Variants in ERBB4 observed in about 807,000 individuals in gnomAD.
ERBB4 encodes erb-b2 receptor tyrosine kinase 4, also known as receptor tyrosine-protein kinase erbB-4.
Under a neutral mutation model 158.0 loss-of-function variants are expected in ERBB4, and 42 were observed. The ratio of observed to expected loss-of-function variants is 0.27; its 90% CI spans 0.21 to 0.34. ERBB4 has a LOEUF of 0.34. Ranked by LOEUF, ERBB4 falls within the 10% of genes least tolerant of loss-of-function variation. ERBB4 has a pLI of 1.00. For missense variants in ERBB4, 1,333 were observed against 1,624.1 expected (o/e 0.82, Z 3.08); for synonymous variants, 583 against 558.7 (o/e 1.04, Z -0.61).
chr2:211,748,597 G>A (rs1166685722), intron 5 of ERBB4, among the ~76,000 whole-genome samples: 1 of 152,190 alleles, frequency 6.6e-6, no homozygotes, highest in Admixed American at 6.5e-5. Flanking sequence ...AGTACTGGCT[G>A]AACCCCATGG....
chr2:212,082,178 T>C (rs758843794), intron 2 of ERBB4, among the ~76,000 whole-genome samples: 20 of 152,126 alleles, frequency 1.3e-4, no homozygotes, highest in Non-Finnish European at 2.4e-4. Flanking sequence ...TACATTTATG[T>C]AGAAAAACAG....
chr2:211,420,717 T>G (rs568189569), intron 24 of ERBB4, 106 bp from the exon 25 acceptor site: 1 of 995,308 alleles, frequency 1.0e-6, no homozygotes, highest in Admixed American at 1.9e-5. Flanking sequence ...GTTGAAAAAT[T>G]CATACACACA....
chr2:211,585,119 G>T (rs976668775), intron 19 of ERBB4, among the ~76,000 whole-genome samples: 1 of 152,054 alleles, frequency 6.6e-6, no homozygotes, highest in East Asian at 1.9e-4. Flanking sequence ...TTAGGAGGCC[G>T]AGGCGGGCGG....
chr2:212,470,985 G>C (rs1233480764), intron 1 of ERBB4, among the ~76,000 whole-genome samples: 2 of 151,948 alleles, frequency 1.3e-5, no homozygotes, highest in African/African-American at 4.8e-5. Context: ...GCTTTATAAA[G>C]TATGGAAAGA....
chr2:212,065,849 T>C (rs2077928783), intron 2 of ERBB4, among the ~76,000 whole-genome samples: 1 of 152,024 alleles, frequency 6.6e-6, no homozygotes, highest in Non-Finnish European at 1.5e-5. Flanking sequence ...AATTTAATGC[T>C]TAGTTGAAAT....
At chr2:212,046,255 G>T (rs921981472) in intron 2 of ERBB4, among the ~76,000 whole-genome samples, 1 of 152,138 alleles carries the variant, frequency 6.6e-6, no homozygotes, top group Non-Finnish European at 1.5e-5. Context: ...TTGGTGCTAC[G>T]AGACACCTAA....
At chr2:211,530,718 T>G (rs1453575525) in intron 20 of ERBB4, among the ~76,000 whole-genome samples, 1 of 151,916 alleles carries the variant, frequency 6.6e-6, no homozygotes, top group African/African-American at 2.4e-5. Context: ...TGAAACCCTA[T>G]TTCTACAAAA....
At chr2:212,257,386 T>C (rs1009872300) in intron 1 of ERBB4, among the ~76,000 whole-genome samples, 1 of 152,128 alleles carries the variant, frequency 6.6e-6, no homozygotes, top group Non-Finnish European at 1.5e-5. Flanking sequence ...CCAAGATCTT[T>C]CAACAGTTAA....
intron 19 of ERBB4, among the ~76,000 whole-genome samples, chr2:211,614,479 C>T (rs979523239): frequency 1.3e-5 from 2 of 151,918 alleles, no homozygotes; most frequent in East Asian, 1.9e-4. Context: ...CCATTCTCCA[C>T]GATGTGCTTA....
chr2:212,101,350 C>CATATATATATATATATAT (rs56091369), intron 2 of ERBB4, among the ~76,000 whole-genome samples: 1 of 143,088 alleles, frequency 7.0e-6, no homozygotes, highest in Non-Finnish European at 1.5e-5. Flanking sequence ...ACACCCTATA[C>CATATATATATATATATAT]ATATATATAT....
chr2:211,505,328 A>T lies in ERBB4; in HGVS notation c.2487+56575T>A, dbSNP rs529175723. Among the ~76,000 whole-genome samples, 4 of 152,180 alleles carry T rather than the reference A, an allele frequency of 2.6e-5. No individual in the cohort carries two copies. In the East Asian group the frequency reaches 7.7e-4, roughly 29 times the overall value. On this transcript the variant is annotated intron_variant, in intron 20 of 27. Transcript: ENST00000342788. Reference sequence around the variant, plus strand: ...CTCTTTAAAAAGAAAAAAGAAAAAAAAAATCAGCCAAGAATCTCATATCCT... The same window carrying T: ...CTCTTTAAAAAGAAAAAAGAAAAAATAAATCAGCCAAGAATCTCATATCCT...
chr2:211,577,382 C>A (rs777513210), intron 19 of ERBB4, among the ~76,000 whole-genome samples: 1 of 151,904 alleles, frequency 6.6e-6, no homozygotes, highest in Non-Finnish European at 1.5e-5. Flanking sequence ...TTTTTACCCT[C>A]CCATAAATAA....
intron 1 of ERBB4, among the ~76,000 whole-genome samples, chr2:212,194,463 C>T (rs2082363722): frequency 6.6e-6 from 1 of 151,966 alleles, no homozygotes; most frequent in Non-Finnish European, 1.5e-5. Flanking sequence ...GCTCCAAGGG[C>T]AATACTATGT....
chr2:211,692,889 T>A (rs961152599), intron 12 of ERBB4, among the ~76,000 whole-genome samples: 1 of 152,156 alleles, frequency 6.6e-6, no homozygotes, highest in African/African-American at 2.4e-5. Context: ...GCTCTGTGTG[T>A]AGGCAAGGTT....
chr2:211,814,090 C>T (rs563389337), intron 3 of ERBB4, among the ~76,000 whole-genome samples: 2 of 151,926 alleles, frequency 1.3e-5, no homozygotes, highest in African/African-American at 2.4e-5. Context: ...TTCATGAATA[C>T]GTGAGTAAAA....
chr2:212,466,409 C>T (rs1315996919), intron 1 of ERBB4, among the ~76,000 whole-genome samples: 1 of 152,152 alleles, frequency 6.6e-6, no homozygotes, highest in Non-Finnish European at 1.5e-5. Flanking sequence ...TCCAAAATTC[C>T]CATGTTGTGG....
At chr2:212,015,252 C>T (rs956891692) in intron 2 of ERBB4, among the ~76,000 whole-genome samples, 7 of 149,622 alleles carry the variant, frequency 4.7e-5, no homozygotes, top group Admixed American at 3.3e-4. Context: ...GGCAACAGAG[C>T]GAGACACTGT....
At position 212,191,951 on chromosome 2, in the gene ERBB4, A is replaced by ATATATGTTATATATGT. The variant is rs1365029334; in HGVS notation, c.83-67064_83-67049dup. Reference sequence around the variant, plus strand: ...ATATATTATATATGATGCATATGTTATATATGTTATATATGTTATATGTTA... The same window carrying ATATATGTTATATATGT: ...ATATATTATATATGATGCATATGTTATATATGTTATATATGTTATATGTTATATATGTTATATGTTA... On this transcript the variant is annotated intron_variant, in intron 1 of 27. Transcript: ENST00000342788. 5.2e-5 allele frequency among the ~76,000 whole-genome samples: 7 copies of ATATATGTTATATATGT among 135,764 alleles called. No individual in the cohort carries two copies. In the East Asian group the frequency reaches 5.9e-4, roughly 12 times the overall value. The allele number at this position is 135,764 out of a possible 152,430, so 89.1% of individuals were successfully genotyped here.
chr2:211,434,676 C>G (rs1222218981), intron 20 of ERBB4, among the ~76,000 whole-genome samples: 1 of 152,166 alleles, frequency 6.6e-6, no homozygotes, highest in African/African-American at 2.4e-5. Flanking sequence ...AAGTGATAGA[C>G]TATCCTGAAG....
Sources: gnomAD v4.1 joint callset for allele counts (sites outside exome capture counted in the v4.1 genomes callset) on GRCh38, gnomAD v4.1.1 for gene constraint, MANE v1.5 for transcripts, NCBI Gene and HGNC (gene_info 2026-07-23, HGNC 2026-07-21) for gene names.